The following PARD3B variants were observed in gnomAD, a reference collection of about 807,000 sequenced individuals.
PARD3B encodes par-3 family cell polarity regulator beta, also known as partitioning defective 3 homolog B.
PARD3B carries 103 observed loss-of-function variants against 130.2 expected under a neutral mutation model. The observed-to-expected ratio is 0.79, with a 90% CI of 0.67 to 0.93. The LOEUF is 0.93. PARD3B is among the 40% of genes least tolerant of loss of function. The pLI is 0.00. For missense variants in PARD3B, 1,609 were observed against 1,499.2 expected (o/e 1.07, Z -1.21); for synonymous variants, 583 against 553.2 (o/e 1.05, Z -0.76).
chr2:205,267,082 A>G (rs1366504639), intron 16 of PARD3B, among the ~76,000 whole-genome samples: 2 of 152,204 alleles, frequency 1.3e-5, no homozygotes, highest in Non-Finnish European at 2.9e-5. Context: ...AAGCTAGTCT[A>G]GCTCATTGTG....
intron 2 of PARD3B, among the ~76,000 whole-genome samples, chr2:204,922,780 A>T (rs1276242189): frequency 6.6e-6 from 1 of 152,166 alleles, no homozygotes; most frequent in Admixed American, 6.5e-5. Flanking sequence ...GGGAACAAAA[A>T]TATCTTAAAT....
chr2:204,576,251 G>A (rs1467931284), intron 1 of PARD3B, among the ~76,000 whole-genome samples: 1 of 152,132 alleles, frequency 6.6e-6, no homozygotes, highest in East Asian at 1.9e-4. Flanking sequence ...CAGCAGGCTG[G>A]GGTGCTGCTA....
At chr2:205,126,113 A>G (rs2031363014) in intron 10 of PARD3B, among the ~76,000 whole-genome samples, 6 of 152,230 alleles carry the variant, frequency 3.9e-5, no homozygotes, top group Admixed American at 2.6e-4. Context: ...CAGGAAATAA[A>G]AAGATAGCCA....
intron 20 of PARD3B, among the ~76,000 whole-genome samples, chr2:205,443,456 A>T (rs756760794): frequency 5.9e-5 from 9 of 152,202 alleles, no homozygotes; most frequent in Non-Finnish European, 1.2e-4. Flanking sequence ...TAATCTAGTG[A>T]ATAGAGGACC....
chr2:205,579,370 C>G (rs576766979), intron 22 of PARD3B, among the ~76,000 whole-genome samples: 1 of 152,238 alleles, frequency 6.6e-6, no homozygotes, highest in South Asian at 2.1e-4. Context: ...CCCCTGTGAC[C>G]CAGAGGTACC....
intron 20 of PARD3B, among the ~76,000 whole-genome samples, chr2:205,448,859 G>A (rs891300225): frequency 6.6e-6 from 1 of 152,044 alleles, no homozygotes; most frequent in African/African-American, 2.4e-5. Context: ...TACCACTCTG[G>A]TAACCCTAAC....
chr2:204,711,340 AT>A (rs1224463897), intron 2 of PARD3B, among the ~76,000 whole-genome samples: 4 of 152,130 alleles, frequency 2.6e-5, no homozygotes, highest in African/African-American at 9.6e-5. Context: ...ATTGATTTTT[AT>A]TGCCTTTTTA....
At chr2:204,953,401 ATG>A (rs1689956272) in intron 2 of PARD3B, among the ~76,000 whole-genome samples, 1 of 149,420 alleles carries the variant, frequency 6.7e-6, no homozygotes, top group African/African-American at 2.5e-5. Context: ...TGACATATAT[ATG>A]TTAACATACA....
intron 10 of PARD3B, among the ~76,000 whole-genome samples, chr2:205,154,505 A>G (rs1236551833): frequency 6.6e-6 from 1 of 152,228 alleles, no homozygotes; most frequent in African/African-American, 2.4e-5. Flanking sequence ...TCAAGGATCT[A>G]GAACTAGAAA....
At chr2:204,740,745 C>T (rs1217175131) in intron 2 of PARD3B, among the ~76,000 whole-genome samples, 1 of 152,196 alleles carries the variant, frequency 6.6e-6, no homozygotes, top group Non-Finnish European at 1.5e-5. Flanking sequence ...TTCCTCAGAG[C>T]ATGGTGACAC....
intron 13 of PARD3B, among the ~76,000 whole-genome samples, chr2:205,177,156 G>A (rs2035521569): frequency 6.6e-6 from 1 of 151,848 alleles, no homozygotes; most frequent in Admixed American, 6.6e-5. Context: ...TTTCCTCTTT[G>A]TCTTTTAAAA....
chr2:204,801,342 A>G (rs2042560964), intron 2 of PARD3B, among the ~76,000 whole-genome samples: 1 of 152,198 alleles, frequency 6.6e-6, no homozygotes, highest in Admixed American at 6.5e-5. Flanking sequence ...CTTCCTATTC[A>G]TGAGCATGGA....
At position 205,244,654 on chromosome 2, in the gene PARD3B, G is replaced by A. The variant is rs568154870; in HGVS notation, c.2141-1124G>A. Among the ~76,000 whole-genome samples, 2 of 152,132 alleles carry A rather than the reference G, an allele frequency of 1.3e-5. No individual in the cohort carries two copies. Among genetic ancestry groups the A allele is most frequent in the African/African-American group, 4.8e-5 (2 of 41,498 alleles). On this transcript the variant is annotated intron_variant, in intron 15 of 22. Coordinates refer to ENST00000406610, the MANE Select transcript of PARD3B (RefSeq NM_001302769.2). This position sits in a 1 kb window ranked among gnomAD's most constrained non-coding sequence, Gnocchi z 4.7. ...TCTGGGCCTAGAGTTTTGTTTGTGG[G>A]AAAGTTTTACTTATAAACACATTTT...
chr2:205,300,025 A>T lies in PARD3B; in HGVS notation c.2186-505A>T, dbSNP rs896681875. Reference sequence around the variant, plus strand: ...ATGCCCAGTATGTTCCTTACTAATCATATGAGCAACCATGGCAATGATAAA... The same window carrying T: ...ATGCCCAGTATGTTCCTTACTAATCTTATGAGCAACCATGGCAATGATAAA... On this transcript the variant is annotated intron_variant, in intron 16 of 22. Coordinates refer to ENST00000406610, the MANE Select transcript of PARD3B (RefSeq NM_001302769.2). This position sits in a 1 kb window ranked among gnomAD's most constrained non-coding sequence, Gnocchi z 4.1. Among the ~76,000 whole-genome samples the T allele has an allele frequency of 6.6e-6, 1 of 152,236 alleles. No individual in the cohort carries two copies. Among genetic ancestry groups the T allele is most frequent in the Admixed American group, 6.5e-5 (1 of 15,284 alleles).
rs528639727 is a variant in PARD3B at position 204,820,418 on chromosome 2, G to A, written c.222+134136G>A. 7.9e-5 allele frequency among the ~76,000 whole-genome samples: 12 copies of A among 152,170 alleles called. No individual in the cohort carries two copies. The South Asian group carries it at 2.5e-3, about 32-fold the overall frequency. On this transcript the variant is annotated intron_variant, in intron 2 of 22. Transcript: ENST00000406610. ...ATGTAGACAAAACAGCTCTCTATTG[G>A]AGGAAGATGTCACCTAGGACTCTGA...
At chr2:204,996,436 G>T (rs1233957036) in intron 3 of PARD3B, among the ~76,000 whole-genome samples, 1 of 152,184 alleles carries the variant, frequency 6.6e-6, no homozygotes, top group Admixed American at 6.5e-5. Flanking sequence ...CAGTGTGCCG[G>T]TTCTCAGATC....
intron 15 of PARD3B, among the ~76,000 whole-genome samples, chr2:205,234,648 A>G (rs946007253): frequency 1.3e-5 from 2 of 152,218 alleles, no homozygotes; most frequent in African/African-American, 4.8e-5. Context: ...CAAAAAATCA[A>G]TAAGGCTATA....
At chr2:204,774,845 T>C (rs1291596081) in intron 2 of PARD3B, among the ~76,000 whole-genome samples, 1 of 152,124 alleles carries the variant, frequency 6.6e-6, no homozygotes, top group Non-Finnish European at 1.5e-5. Context: ...GTATTACTCT[T>C]CAGTTATTCA....
rs1041645161 is a variant in PARD3B at position 205,458,944 on chromosome 2, G to A, written c.3044+18272G>A. On this transcript the variant is annotated intron_variant, in intron 20 of 22. Coordinates refer to ENST00000406610, the MANE Select transcript of PARD3B (RefSeq NM_001302769.2). This position sits in a 1 kb window ranked among gnomAD's most constrained non-coding sequence, Gnocchi z 4.8. The stretch of plus-strand genomic sequence containing the variant: ...TAGTTATGTGAGGGGTAGTGTATTA[G>A]TTTACTCTTACTCCTAGAGGGTAAC... Among the ~76,000 whole-genome samples the A allele has an allele frequency of 2.6e-5, 4 of 152,148 alleles. No individual in the cohort carries two copies. The highest frequency in any genetic ancestry group is 2.9e-5 in the Non-Finnish European group (2 of 68,008).
Sources: gnomAD v4.1 joint callset for allele counts (sites outside exome capture counted in the v4.1 genomes callset) on GRCh38, gnomAD v4.1.1 for gene constraint, Gnocchi (gnomAD v3.1) non-coding constraint, MANE v1.5 for transcripts, NCBI Gene and HGNC (gene_info 2026-07-23, HGNC 2026-07-21) for gene names.